Variants in ADGRL2 observed in about 807,000 individuals in gnomAD.
ADGRL2 encodes adhesion G protein-coupled receptor L2.
In ADGRL2, 44 loss-of-function variants were observed where a neutral mutation model predicts 157.4. That is an observed-to-expected ratio of 0.28 (90% CI 0.22 to 0.36). The LOEUF (loss-of-function observed/expected upper bound fraction) is 0.36. Ranked by LOEUF, ADGRL2 falls within the 10% of genes least tolerant of loss-of-function variation. ADGRL2 has a pLI of 1.00. For synonymous variants in ADGRL2, 585 were observed against 624.7 expected (o/e 0.94, Z 0.95); for missense variants, 1,510 against 1,768.9 (o/e 0.85, Z 2.63).
chr1:81,611,080 G>A (rs1014504412), intron 3 of ADGRL2, among the ~76,000 whole-genome samples: 2 of 152,170 alleles, frequency 1.3e-5, no homozygotes, highest in Admixed American at 6.5e-5. Flanking sequence ...GTACAGTAAA[G>A]CCTTCAGTAG....
At chr1:81,990,068 A>C in intron 23 of ADGRL2, 1 of 985,052 alleles carries the variant, frequency 1.0e-6, no homozygotes, top group South Asian at 4.7e-5. Flanking sequence ...TAACTATGCA[A>C]GGGCATGGAG....
intron 1 of ADGRL2, among the ~76,000 whole-genome samples, chr1:81,801,518 T>TG (rs1269105255): frequency 6.6e-6 from 1 of 152,166 alleles, no homozygotes; most frequent in Admixed American, 6.5e-5. Context: ...TTGGGATTGT[T>TG]GGGGGGCATC....
At chr1:81,770,411 T>C (rs944980817) in intron 2 of ADGRL2, among the ~76,000 whole-genome samples, 2 of 152,064 alleles carry the variant, frequency 1.3e-5, no homozygotes, top group Non-Finnish European at 2.9e-5. Flanking sequence ...TTCGCCCGCC[T>C]TGGCCTCTCA....
intron 2 of ADGRL2, among the ~76,000 whole-genome samples, chr1:81,555,504 A>G (rs2080253345): frequency 6.6e-6 from 1 of 152,046 alleles, no homozygotes; most frequent in Non-Finnish European, 1.5e-5. Context: ...CTTGGTCTCA[A>G]GTGATTCACC....
chr1:81,459,541 T>G (rs1469965355), intron 2 of ADGRL2, among the ~76,000 whole-genome samples: 1 of 152,192 alleles, frequency 6.6e-6, no homozygotes, highest in Non-Finnish European at 1.5e-5. Context: ...TCATTGTATG[T>G]GCATACCACA....
At chr1:81,545,884 G>C (rs973309425) in intron 2 of ADGRL2, among the ~76,000 whole-genome samples, 1 of 152,028 alleles carries the variant, frequency 6.6e-6, no homozygotes, top group African/African-American at 2.4e-5. Context: ...AAGAGCCATG[G>C]GGCACACACT....
intron 3 of ADGRL2, among the ~76,000 whole-genome samples, chr1:81,927,171 A>G (rs2095126949): frequency 1.3e-5 from 2 of 151,798 alleles, no homozygotes; most frequent in South Asian, 4.2e-4. Flanking sequence ...AAGCACGACA[A>G]CCTCCTAGAA....
At chr1:81,973,318 G>A (rs1033079127) in intron 17 of ADGRL2, among the ~76,000 whole-genome samples, 1 of 152,120 alleles carries the variant, frequency 6.6e-6, no homozygotes, top group African/African-American at 2.4e-5. Context: ...TGTTCTTGGT[G>A]TTCATATGTT....
intron 2 of ADGRL2, among the ~76,000 whole-genome samples, chr1:81,900,291 A>G (rs1050577430): frequency 2.0e-5 from 3 of 152,196 alleles, no homozygotes; most frequent in Non-Finnish European, 2.9e-5. Context: ...ACGGGGAAAC[A>G]TTATTTATGA....
chr1:81,444,622 A>G (rs1207747553), intron 1 of ADGRL2, among the ~76,000 whole-genome samples: 5 of 152,136 alleles, frequency 3.3e-5, no homozygotes, highest in African/African-American at 1.2e-4. Context: ...GCAGCTTTCC[A>G]ATGGTTGGCC....
chr1:81,372,258 G>GA (rs1448413347), intron 1 of ADGRL2, among the ~76,000 whole-genome samples: 1 of 152,106 alleles, frequency 6.6e-6, no homozygotes, highest in Non-Finnish European at 1.5e-5. Flanking sequence ...ACCTTGCTGA[G>GA]AAAAAAGTGA....
At chr1:81,624,728 T>G (rs2081873597) in intron 3 of ADGRL2, among the ~76,000 whole-genome samples, 1 of 152,208 alleles carries the variant, frequency 6.6e-6, no homozygotes, top group Non-Finnish European at 1.5e-5. Context: ...AATAGGCATA[T>G]ATGGAGAAGA....
chr1:81,800,106 G>A (rs994601803), upstream of ADGRL2, among the ~76,000 whole-genome samples: 1 of 152,114 alleles, frequency 6.6e-6, no homozygotes, highest in Admixed American at 6.6e-5. Context: ...AAGGAAATGA[G>A]GGAAACAGAC....
At position 81,493,254 on chromosome 1, in the gene ADGRL2, G is replaced by A. The variant is rs183445430; in HGVS notation, c.-248+48165G>A. 9.0e-3 allele frequency among the ~76,000 whole-genome samples: 1,371 copies of A among 152,310 alleles called. 20 individuals carry two copies. The highest frequency in any genetic ancestry group is 0.036 in the Admixed American group (551 of 15,292). Reference sequence around the variant, plus strand: ...GCAATAGCATGATAGCTCAGCAGATGCAATGTGAGGTTGCCCTGCATGTCA... The same window carrying A: ...GCAATAGCATGATAGCTCAGCAGATACAATGTGAGGTTGCCCTGCATGTCA... On this transcript the variant is annotated intron_variant, in intron 2 of 24. Coordinates refer to the ADGRL2 transcript ENST00000370721.
intron 1 of ADGRL2, among the ~76,000 whole-genome samples, chr1:81,351,094 C>A (rs895373047): frequency 3.3e-5 from 5 of 152,088 alleles, no homozygotes; most frequent in African/African-American, 7.2e-5. Context: ...TCCCCTTAAG[C>A]CTTTTAAGGG....
At chr1:81,470,023 A>G (rs569236226) in intron 2 of ADGRL2, among the ~76,000 whole-genome samples, 1 of 152,322 alleles carries the variant, frequency 6.6e-6, no homozygotes, top group African/African-American at 2.4e-5. Flanking sequence ...TGCAACATGG[A>G]TGACCAAGAG....
At chr1:81,339,291 T>C (rs1184942954) in intron 1 of ADGRL2, among the ~76,000 whole-genome samples, 1 of 152,220 alleles carries the variant, frequency 6.6e-6, no homozygotes, top group Non-Finnish European at 1.5e-5. Flanking sequence ...TAATTAATAG[T>C]AACTGACAAT....
At chr1:81,537,730 A>T (rs1437132193) in intron 2 of ADGRL2, among the ~76,000 whole-genome samples, 3 of 125,350 alleles carry the variant, frequency 2.4e-5, no homozygotes, top group African/African-American at 9.2e-5. Flanking sequence ...ATGGAGTTTC[A>T]CTCTTGTCAC....
chr1:81,695,437 T>C (rs2149006745), upstream of ADGRL2, among the ~76,000 whole-genome samples: 1 of 152,304 alleles, frequency 6.6e-6, no homozygotes, highest in Non-Finnish European at 1.5e-5. Flanking sequence ...TGACTATATT[T>C]CCATCTGGAA....
Sources: allele counts gnomAD v4.1 joint callset (sites outside exome capture counted in the v4.1 genomes callset), GRCh38; gene constraint gnomAD v4.1.1; transcripts MANE v1.5; gene names NCBI Gene and HGNC (gene_info 2026-07-23, HGNC 2026-07-21).